The following NLRC5 variants were observed in gnomAD, a reference collection of about 807,000 sequenced individuals.
The protein encoded by NLRC5 is NLR family CARD domain containing 5, also known as protein NLRC5.
A neutral mutation model predicts 206.9 loss-of-function variants in NLRC5; 114 were observed. The observed-to-expected ratio is 0.55, with a 90% CI of 0.47 to 0.64. The LOEUF (loss-of-function observed/expected upper bound fraction) is 0.64. NLRC5 is among the 30% of genes least tolerant of loss of function. NLRC5 has a pLI of 0.00. For missense variants in NLRC5, 2,008 were observed against 2,305.5 expected (o/e 0.87, Z 2.64); for synonymous variants, 952 against 962.8 (o/e 0.99, Z 0.21).
intron 30 of NLRC5, 60 bp downstream of exon 30, chr16:57,059,592 GCGGC>G (rs1251189944): frequency 6.8e-7 from 1 of 1,468,616 alleles, no homozygotes; most frequent in African/African-American, 1.4e-5. Flanking sequence ...TGACCCTATG[GCGGC>G]CTCCATGGCC....
intron 48 of NLRC5, among the ~76,000 whole-genome samples, chr16:57,081,914 CA>C: frequency 6.6e-6 from 1 of 152,356 alleles, no homozygotes; most frequent in African/African-American, 2.4e-5. Flanking sequence ...GCATATAAAG[CA>C]CTGAACCCAA....
chr16:57,033,053 A>G (rs535341444), intron 11 of NLRC5, among the ~76,000 whole-genome samples: 1 of 151,930 alleles, frequency 6.6e-6, no homozygotes, highest in South Asian at 2.1e-4. Context: ...CTGGCTCATG[A>G]TGTCCTAGCT....
intron 9 of NLRC5, 43 bp from the exon 10 acceptor site, chr16:57,029,952 G>T (rs2061622371): frequency 6.2e-7 from 1 of 1,609,082 alleles, no homozygotes; most frequent in East Asian, 2.2e-5. Context: ...GGGCCCCTGG[G>T]GTAGGGGATT....
rs757210391 is a variant in NLRC5, at chr16:57,079,044, C to A, written c.5082-6C>A. 1 of 1,613,438 alleles carries A rather than the reference C, an allele frequency of 6.2e-7. No homozygotes were observed. The highest frequency in any genetic ancestry group is 8.5e-7 in the Non-Finnish European group (1 of 1,179,482). ...AGGCTCCTCTCACCCTCTCCTCTTT[C>A]CCCAGCCTACCATTCAGCCATCTGG... On this transcript the variant is annotated splice_region_variant and splice_polypyrimidine_tract_variant and intron_variant, in intron 43 of 48. Coordinates refer to ENST00000688547, the MANE Select transcript of NLRC5 (RefSeq NM_001384950.1).
chr16:57,061,648 G>A lies in NLRC5; in HGVS notation c.4101G>A (p.Gln1367=). The A allele has an allele frequency of 3.1e-6, 5 of 1,610,406 alleles. No individual in the cohort carries two copies. Among genetic ancestry groups the A allele is most frequent in the East Asian group, 2.2e-5 (1 of 44,862 alleles). The change falls in exon 32 of 49, where the codon CAG becomes CAA. Residue 1367 remains glutamine, a synonymous_variant. Transcript: ENST00000688547. ...CCCAGTGCTGCCTGGGCCAGAAGCA[G>A]CTGGCCATCCTCCTGAGCTTGGTGG... ...TLTQCCLGQK[Q]LAILLSLVGR... is the part of the protein sequence containing the mutation.
chr16:56,995,276 G>A (rs1056407712), intron 1 of NLRC5, among the ~76,000 whole-genome samples: 1 of 152,214 alleles, frequency 6.6e-6, no homozygotes, highest in African/African-American at 2.4e-5. Context: ...AGAGGCCATA[G>A]CCTCCTATAG....
rs1444593460 is a variant in NLRC5, at chr16:57,028,284, T to C, written c.2160-18T>C. 8 of 1,612,616 alleles carry C rather than the reference T, an allele frequency of 5.0e-6. No homozygotes were observed. Among genetic ancestry groups the C allele is most frequent in the Non-Finnish European group, 5.9e-6 (7 of 1,178,644 alleles). On this transcript the variant is annotated intron_variant, in intron 7 of 48. Coordinates refer to ENST00000688547, the MANE Select transcript of NLRC5 (RefSeq NM_001384950.1). ...TTCCCCTCCTCGTTCCTCCCCACCA[T>C]CTTTGCTTACTCTGTAGGTTAGCAG...
At chr16:57,054,438 G>A (rs1415396601) in intron 24 of NLRC5, among the ~76,000 whole-genome samples, 1 of 152,146 alleles carries the variant, frequency 6.6e-6, no homozygotes, top group Non-Finnish European at 1.5e-5. Flanking sequence ...GCCCGGCAGT[G>A]CACCTGCATG....
At position 57,042,083 on chromosome 16, in the gene NLRC5, CAGA is replaced by C; in HGVS notation, c.3113+19_3113+21del. The C allele has an allele frequency of 6.7e-7, 1 of 1,487,490 alleles. No individual in the cohort carries two copies. The allele number at this position is 1,487,490 out of a possible 1,614,324, so 92.1% of individuals were successfully genotyped here. ...TCCTTGAAGTGAGTAGCCCGCTAGG[CAGA>C]GCCTCTGAGGCTGGGGCAGGGGGGG... On this transcript the variant is annotated intron_variant, in intron 19 of 48. Transcript: ENST00000688547.
chr16:57,026,371 T>C lies in NLRC5; in HGVS notation c.1428T>C (p.Tyr476=). 1 of 1,614,000 alleles carries C rather than the reference T, an allele frequency of 6.2e-7. No homozygotes were observed. The highest frequency in any genetic ancestry group is 8.5e-7 in the Non-Finnish European group (1 of 1,180,030). The change falls in exon 6 of 49, where the codon TAT becomes TAC. Residue 476 remains tyrosine (Y), a synonymous_variant. Coordinates refer to ENST00000688547, the MANE Select transcript of NLRC5 (RefSeq NM_001384950.1). ...TGGAGACAGGGAAGGTTATCTTCTA[T>C]GCAAAAGATATTGCTCCACCCTTGA... is the stretch of plus-strand genomic sequence containing the variant. ...RGLETGKVIF[Y]AKDIAPPLIA...
intron 20 of NLRC5, 99 bp downstream of exon 20, chr16:57,043,703 T>C (rs2063571301): frequency 1.1e-6 from 1 of 918,494 alleles, no homozygotes; most frequent in Admixed American, 1.7e-5. Flanking sequence ...CATGCCAACC[T>C]GTCATCCTCA....
chr16:57,052,208 C>T (rs763182521), intron 24 of NLRC5, among the ~76,000 whole-genome samples: 22 of 152,232 alleles, frequency 1.4e-4, no homozygotes, highest in Non-Finnish European at 2.6e-4. Flanking sequence ...TGTGGTGGCT[C>T]ATGCCTGTAA....
At chr16:57,012,503 G>C (rs1295290150) in intron 1 of NLRC5, among the ~76,000 whole-genome samples, 2 of 152,182 alleles carry the variant, frequency 1.3e-5, no homozygotes, top group African/African-American at 4.8e-5. Context: ...CAGGTGGTGA[G>C]CGGCCATCGG....
At chr16:57,063,491 T>C (rs1404543470) in intron 32 of NLRC5, among the ~76,000 whole-genome samples, 1 of 152,210 alleles carries the variant, frequency 6.6e-6, no homozygotes, top group Non-Finnish European at 1.5e-5. Flanking sequence ...ATCCATCAAT[T>C]GACACTTGGG....
intron 17 of NLRC5, among the ~76,000 whole-genome samples, chr16:57,040,939 C>G (rs1354968297): frequency 6.6e-6 from 1 of 152,088 alleles, no homozygotes. Flanking sequence ...CCTTCCCAAG[C>G]CCAGGAGACC....
chr16:57,041,416 G>T (rs1325544423), intron 17 of NLRC5, 69 bp from the exon 18 acceptor site: 5 of 1,312,886 alleles, frequency 3.8e-6, no homozygotes, highest in East Asian at 2.3e-5. Flanking sequence ...TGTCTGGGGG[G>T]TGGGAAAGCG....
intron 1 of NLRC5, among the ~76,000 whole-genome samples, chr16:56,999,110 C>T (rs1272322818): frequency 6.6e-6 from 1 of 152,246 alleles, no homozygotes; most frequent in Non-Finnish European, 1.5e-5. Flanking sequence ...GCAAAGCAGG[C>T]TAGAGCATTC....
chr16:57,008,748 C>G (rs2059180022), intron 1 of NLRC5, among the ~76,000 whole-genome samples: 1 of 151,958 alleles, frequency 6.6e-6, no homozygotes, highest in African/African-American at 2.4e-5. Flanking sequence ...AAGAAAAAGC[C>G]TAGCAATGGC....
chr16:57,065,345 G>A lies in NLRC5; in HGVS notation c.4241+47G>A, dbSNP rs755305583. 4.4e-6 allele frequency: 6 copies of A among 1,365,908 alleles called. No homozygotes were observed. The Admixed American group carries it at 1.2e-4, about 26-fold the overall frequency. 84.6% of individuals were successfully genotyped at this position (1,365,908 alleles called of 1,614,324 possible). On this transcript the variant is annotated intron_variant, in intron 33 of 48. Transcript: ENST00000688547. ...CTTTGGAATTCTTCATCTTTCATAA[G>A]CATTGGGACTTTTCCTTGACCTTCC...
Sources: allele counts gnomAD v4.1 joint callset (sites outside exome capture counted in the v4.1 genomes callset), GRCh38; gene constraint gnomAD v4.1.1; transcripts MANE v1.5; gene names NCBI Gene and HGNC (gene_info 2026-07-23, HGNC 2026-07-21).